ABCA3: variants seen among roughly 807,000 people sequenced by gnomAD.
ABCA3 encodes phospholipid-transporting ATPase ABCA3.
In ABCA3, 88 loss-of-function variants were observed where a neutral mutation model predicts 172.8. The observed-to-expected ratio is 0.51, with a 90% CI of 0.43 to 0.61. The LOEUF (loss-of-function observed/expected upper bound fraction) is 0.61. Ranked by LOEUF, ABCA3 falls within the 20% of genes least tolerant of loss-of-function variation. The pLI, the probability that ABCA3 is intolerant of heterozygous loss-of-function variation, is 0.00. For missense variants in ABCA3, 2,164 were observed against 2,301.0 expected (o/e 0.94, Z 1.22); for synonymous variants, 1,066 against 983.8 (o/e 1.08, Z -1.56).
intron 11 of ABCA3, among the ~76,000 whole-genome samples, chr16:2,307,509 G>A (rs920061264): frequency 9.9e-5 from 15 of 151,732 alleles, no homozygotes; most frequent in African/African-American, 2.7e-4. Context: ...AGCCAAGATC[G>A]CACCACTGCA....
At chr16:2,309,806 A>G (rs2093703601) in intron 10 of ABCA3, among the ~76,000 whole-genome samples, 1 of 152,018 alleles carries the variant, frequency 6.6e-6, no homozygotes, top group Admixed American at 6.6e-5. Flanking sequence ...GTTTTTGTAG[A>G]GATGGGTTTC....
rs144728317 is a variant in ABCA3 at position 2,297,309 on chromosome 16, G to A, written c.2263+20C>T. On this transcript the variant is annotated intron_variant, in intron 17 of 32. Coordinates refer to ENST00000301732, the MANE Select transcript of ABCA3 (RefSeq NM_001089.3). This position sits in a 1 kb window ranked among gnomAD's most constrained non-coding sequence, Gnocchi z 5.6. ...GCAGCCAGGACACCGACCCTGTCGC[G>A]GGCTGGCCCCACCGCTCACCGTATT... 2.3e-3 allele frequency: 3,685 copies of A among 1,607,822 alleles called. 105 individuals are homozygous for A. In the South Asian group the frequency reaches 0.038, roughly 17 times the overall value.
chr16:2,301,923 A>T (rs2093690114), intron 12 of ABCA3, among the ~76,000 whole-genome samples: 1 of 152,256 alleles, frequency 6.6e-6, no homozygotes, highest in Non-Finnish European at 1.5e-5. Context: ...CATAATGGCC[A>T]TAACACCCAA....
Position 2,278,171 on chromosome 16 carries a change from T to A in ABCA3, c.4719-102A>T. 6.3e-7 allele frequency: 1 copy of A among 1,596,220 alleles called. No homozygotes were observed. The highest frequency in any genetic ancestry group is 8.5e-7 in the Non-Finnish European group (1 of 1,173,078). ...ATCAGGCTGTTCCTGATACCCATGC[T>A]CAGTGTGGCTCACGGGCAGACTCTG... On this transcript the variant is annotated intron_variant, in intron 30 of 32. Transcript: ENST00000301732. The surrounding 1 kb of genome is among the most constrained non-coding windows in gnomAD (Gnocchi z 4.4).
At position 2,285,624 on chromosome 16, in the gene ABCA3, C is replaced by T; in HGVS notation, c.3301G>A (p.Ala1101Thr). The change falls in exon 23 of 33, where the codon GCC becomes ACC. Residue 1101 changes from alanine to threonine, a missense_variant. Physicochemically the swap from Ala to Thr is moderately conservative, Grantham distance 58. Coordinates refer to ENST00000301732, the MANE Select transcript of ABCA3 (RefSeq NM_001089.3). This position sits in a 1 kb window ranked among gnomAD's most constrained non-coding sequence, Gnocchi z 4.7. Reference protein sequence around the residue: ...FNEGRKGFDIALNLLFAMAFL... With the variant: ...FNEGRKGFDITLNLLFAMAFL... The stretch of plus-strand genomic sequence containing the variant: ...GCCATGGCGAAGAGCAGGTTGAGGG[C>T]AATGTCGAATCCCTTCCGGCCCCTG... 3 of 1,554,044 alleles carry T rather than the reference C, an allele frequency of 1.9e-6. No individual in the cohort carries two copies. Among genetic ancestry groups the T allele is most frequent in the Non-Finnish European group, 2.6e-6 (3 of 1,148,264 alleles).
chr16:2,317,798 C>A (rs750138242), intron 8 of ABCA3, 34 bp from the exon 9 acceptor site: 1 of 1,593,244 alleles, frequency 6.3e-7, no homozygotes, highest in African/African-American at 1.3e-5. Context: ...GCTGGGGGCC[C>A]GTCACTGCCC....
chr16:2,276,849 A>G, intron 32 of ABCA3, 44 bp from the exon 33 acceptor site: 1 of 1,611,798 alleles, frequency 6.2e-7, no homozygotes, highest in Non-Finnish European at 8.5e-7. Context: ...AACAGGGCCC[A>G]GGCTCCTCTG....
At chr16:2,316,421 G>C (rs2093715769) in intron 10 of ABCA3, among the ~76,000 whole-genome samples, 1 of 136,254 alleles carries the variant, frequency 7.3e-6, no homozygotes, top group African/African-American at 2.7e-5. Context: ...AAGGAGTATG[G>C]ATCGCTTGAG....
intron 10 of ABCA3, among the ~76,000 whole-genome samples, chr16:2,314,825 C>G (rs1050664888): frequency 1.3e-5 from 2 of 151,144 alleles, no homozygotes; most frequent in Non-Finnish European, 2.9e-5. Context: ...ATCTGCCAGC[C>G]TTGGCCTCCC....
At chr16:2,324,970 AGGG>A (rs2093732050) in intron 5 of ABCA3, among the ~76,000 whole-genome samples, 1 of 152,118 alleles carries the variant, frequency 6.6e-6, no homozygotes, top group African/African-American at 2.4e-5. Flanking sequence ...CAATTCAGAA[AGGG>A]TTTTACTGTC....
Position 2,279,059 on chromosome 16 carries a change from C to G in ABCA3, c.4431G>C (p.Leu1477=), listed in dbSNP as rs764771928. The part of the protein sequence containing the change: ...LLDHMTGREM[L]VMYARLRGIP... The stretch of plus-strand genomic sequence containing the variant: ...TGCCCCGGAGCCGAGCGTACATGAC[C>G]AGCATCTCCCGGCCTGTCATGTGGT... Residue 1477 remains leucine (L), a synonymous_variant, in exon 29 of 33, where the codon CTG becomes CTC. Coordinates refer to ENST00000301732, the MANE Select transcript of ABCA3 (RefSeq NM_001089.3). This position sits in a 1 kb window ranked among gnomAD's most constrained non-coding sequence, Gnocchi z 4.4. The G allele has an allele frequency of 1.2e-6, 2 of 1,613,334 alleles. No individual in the cohort carries two copies. The highest frequency in any genetic ancestry group is 1.7e-6 in the Non-Finnish European group (2 of 1,180,036).
intron 20 of ABCA3, 157 bp downstream of exon 20, chr16:2,289,277 C>T: frequency 1.2e-6 from 1 of 840,744 alleles, no homozygotes; most frequent in Non-Finnish European, 1.8e-6. Context: ...CCTGCCGACC[C>T]ATGCGGTGTG....
Position 2,299,550 on chromosome 16 carries a change from G to A in ABCA3, c.1612-18C>T, listed in dbSNP as rs775132182. The A allele has an allele frequency of 1.9e-6, 3 of 1,611,582 alleles. No individual in the cohort carries two copies. The highest frequency in any genetic ancestry group is 1.3e-5 in the African/African-American group (1 of 74,920). ...CTGAACACCTGCAGGAAAGGCAGAG[G>A]CTGCCCTGGGCTACCCACAGCCCCG... On this transcript the variant is annotated intron_variant, in intron 13 of 32. Transcript: ENST00000301732.
In ABCA3 at chr16:2,326,229, G is replaced by A. The variant is rs2093734175; in HGVS notation, c.100C>T (p.Leu34=). The change falls in exon 5 of 33, where the codon CTG becomes TTG. Residue 34 remains leucine, a synonymous_variant. Transcript: ENST00000301732. ...VTVLELFLPL[L]FSGILIWLRL... is the part of the protein sequence containing the mutation. ...AGCCAGATGAGGATCCCAGAAAACA[G>A]CAATGGCAGGAAGAGTTCCAGGACC... The A allele has an allele frequency of 6.2e-7, 1 of 1,613,932 alleles. No individual in the cohort carries two copies. The highest frequency in any genetic ancestry group is 1.1e-5 in the South Asian group (1 of 91,080).
Position 2,284,154 on chromosome 16 carries a change from CA to C in ABCA3, c.3862+124del. On this transcript the variant is annotated intron_variant, in intron 25 of 32. Transcript: ENST00000301732. This position sits in a 1 kb window ranked among gnomAD's most constrained non-coding sequence, Gnocchi z 5.9. ...CTGTGGGAGGTGGGGCAAGGCGGTA[CA>C]GAGGAACGCACCAGCCCCAGGCCAC... is the stretch of plus-strand genomic sequence containing the variant. The C allele has an allele frequency of 7.9e-7, 1 of 1,263,486 alleles. No homozygotes were observed. The highest frequency in any genetic ancestry group is 1.1e-6 in the Non-Finnish European group (1 of 928,084). The allele number at this position is 1,263,486 out of a possible 1,614,324, so 78.3% of individuals were successfully genotyped here.
chr16:2,293,197 G>T (rs923879131), intron 18 of ABCA3, among the ~76,000 whole-genome samples: 1 of 151,316 alleles, frequency 6.6e-6, no homozygotes, highest in Non-Finnish European at 1.5e-5. Context: ...GACTATAGGC[G>T]CCCGCCACCA....
intron 7 of ABCA3, among the ~76,000 whole-genome samples, chr16:2,321,711 C>T (rs527948752): frequency 2.0e-5 from 3 of 152,250 alleles, no homozygotes; most frequent in Middle Eastern, 3.4e-3. Flanking sequence ...CAGGTCCACA[C>T]GAAGACACAC....
At chr16:2,319,122 A>T (rs1348856811) in intron 8 of ABCA3, among the ~76,000 whole-genome samples, 1 of 152,042 alleles carries the variant, frequency 6.6e-6, no homozygotes, top group African/African-American at 2.4e-5. Context: ...GCACTGTGGG[A>T]GAATGAGATG....
intron 18 of ABCA3, among the ~76,000 whole-genome samples, chr16:2,293,196 C>T (rs1042256600): frequency 2.0e-5 from 3 of 150,714 alleles, no homozygotes; most frequent in South Asian, 2.1e-4. Context: ...GGACTATAGG[C>T]GCCCGCCACC....
Sources: allele counts gnomAD v4.1 joint callset (sites outside exome capture counted in the v4.1 genomes callset), GRCh38; gene constraint gnomAD v4.1.1; non-coding constraint Gnocchi (gnomAD v3.1); transcripts MANE v1.5; gene names NCBI Gene and HGNC (gene_info 2026-07-23, HGNC 2026-07-21).